CTNND2: variants seen among roughly 807,000 people sequenced by gnomAD.
The protein encoded by CTNND2 is catenin delta-2.
In CTNND2, 22 loss-of-function variants were observed where a neutral mutation model predicts 144.4. That is an observed-to-expected ratio of 0.15 (90% confidence interval 0.11 to 0.22). The LOEUF is 0.22. Among genes scored for constraint, CTNND2 ranks in the 10% least tolerant of loss-of-function variants. The pLI is 1.00. For synonymous variants in CTNND2, 751 were observed against 695.6 expected, an observed-to-expected ratio of 1.08 and a Z score of -1.25; for missense variants, 1,353 against 1,618.8, an observed-to-expected ratio of 0.84 and a Z score of 2.82.
At position 11,065,757 on chromosome 5, in the gene CTNND2, T is replaced by C. The variant is rs182626130; in HGVS notation, c.2788+16939A>G. ...TTCCAATTTGACTCTGGCATAACAT[T>C]ATGTGACAAAGAAGAAAGTCAAAAT... On this transcript the variant is annotated intron_variant, in intron 16 of 21. Transcript: ENST00000304623. Among the ~76,000 whole-genome samples, 80 of 152,342 alleles carry C rather than the reference T, an allele frequency of 5.3e-4. 1 individual carries two copies. The highest frequency in any genetic ancestry group is 1.5e-3 in the African/African-American group (63 of 41,560).
chr5:11,182,619 C>T (rs546607315), intron 11 of CTNND2, among the ~76,000 whole-genome samples: 2 of 152,100 alleles, frequency 1.3e-5, no homozygotes, highest in Non-Finnish European at 2.9e-5. Flanking sequence ...TTACTACTAG[C>T]CATGTCCCCC....
At position 10,981,865 on chromosome 5, in the gene CTNND2, CAA is replaced by C. The variant is rs1281540235; in HGVS notation, c.3344-21_3344-20del. On this transcript the variant is annotated intron_variant, in intron 20 of 21. Transcript: ENST00000304623. ...TTTTGAGCTAAAAGCAAAAGGAAAACAAAAGTTTAGCAAAGAAAACAACATTA... is the reference window on the plus strand; with the variant it reads ...TTTTGAGCTAAAAGCAAAAGGAAAACAAGTTTAGCAAAGAAAACAACATTA... 1 of 1,602,606 alleles carries C rather than the reference CAA, an allele frequency of 6.2e-7. No homozygotes were observed. The highest frequency in any genetic ancestry group is 1.7e-5 in the Admixed American group (1 of 59,504).
chr5:11,584,282 C>T (rs1454560483), intron 2 of CTNND2, among the ~76,000 whole-genome samples: 1 of 152,136 alleles, frequency 6.6e-6, no homozygotes, highest in Non-Finnish European at 1.5e-5. Context: ...AAATGTTACT[C>T]TATACATGCA....
intron 3 of CTNND2, among the ~76,000 whole-genome samples, chr5:11,558,345 T>TAC (rs1465814327): frequency 1.3e-3 from 116 of 90,428 alleles, no homozygotes; most frequent in African/African-American, 4.5e-3. Context: ...GAAACACGTG[T>TAC]GTGTGTGTGT....
chr5:11,869,708 C>T (rs13340382), intron 1 of CTNND2, among the ~76,000 whole-genome samples: 29,686 of 152,146 alleles, frequency 0.2, 3,153 homozygotes, highest in Non-Finnish European at 0.23. Flanking sequence ...TACTTAAAAA[C>T]GGCTAAGGTG....
At chr5:11,412,847 T>C (rs1761651383) in intron 3 of CTNND2, among the ~76,000 whole-genome samples, 1 of 152,180 alleles carries the variant, frequency 6.6e-6, no homozygotes, top group Non-Finnish European at 1.5e-5. Context: ...AGACATCATT[T>C]TGAGAATGAT....
chr5:11,465,973 G>A (rs1010424866), intron 3 of CTNND2, among the ~76,000 whole-genome samples: 10 of 152,032 alleles, frequency 6.6e-5, no homozygotes, highest in South Asian at 4.1e-4. Context: ...AACTAAAAAC[G>A]AACTTCATGA....
intron 10 of CTNND2, among the ~76,000 whole-genome samples, chr5:11,226,287 C>T (rs1006888715): frequency 2.0e-5 from 3 of 152,174 alleles, no homozygotes; most frequent in African/African-American, 7.2e-5. Flanking sequence ...TCAGAGATGG[C>T]TTTCCTGACC....
intron 8 of CTNND2, among the ~76,000 whole-genome samples, chr5:11,348,969 T>C (rs1421546629): frequency 2.0e-5 from 3 of 152,168 alleles, no homozygotes; most frequent in Non-Finnish European, 4.4e-5. Context: ...CTTTAGACCC[T>C]TTCAGGGAAA....
chr5:11,274,592 T>A (rs55989626), intron 9 of CTNND2, among the ~76,000 whole-genome samples: 11,022 of 147,596 alleles, frequency 0.075, 547 homozygotes, highest in South Asian at 0.15. Context: ...TTTTTTTTTT[T>A]TAAAAAGGCA....
intron 3 of CTNND2, among the ~76,000 whole-genome samples, chr5:11,441,895 C>G (rs994434798): frequency 2.0e-5 from 3 of 152,194 alleles, no homozygotes; most frequent in Non-Finnish European, 2.9e-5. Flanking sequence ...AATTAACTTA[C>G]GCTTTTTTCC....
At chr5:11,567,571 T>C (rs760008407) in intron 2 of CTNND2, among the ~76,000 whole-genome samples, 47 of 152,190 alleles carry the variant, frequency 3.1e-4, no homozygotes, top group Non-Finnish European at 6.2e-4. Context: ...GTAGTTTCTA[T>C]TGTTGACTTC....
At chr5:11,842,977 A>G (rs1794552170) in intron 1 of CTNND2, among the ~76,000 whole-genome samples, 3 of 152,314 alleles carry the variant, frequency 2.0e-5, no homozygotes, top group Middle Eastern at 3.4e-3. Flanking sequence ...GCGCTGTTGT[A>G]TAGAAGAAAC....
intron 16 of CTNND2, among the ~76,000 whole-genome samples, chr5:11,042,927 G>A (rs563898618): frequency 1.7e-4 from 26 of 152,218 alleles, no homozygotes. Context: ...ATGTTTAGGA[G>A]GTAATCTTCT....
chr5:11,409,206 T>C (rs1761326470), intron 5 of CTNND2, among the ~76,000 whole-genome samples: 1 of 152,022 alleles, frequency 6.6e-6, no homozygotes, highest in South Asian at 2.1e-4. Flanking sequence ...GTATGTTTCT[T>C]AGTTTTAATA....
intron 3 of CTNND2, among the ~76,000 whole-genome samples, chr5:11,434,193 T>C (rs1763553056): frequency 6.6e-6 from 1 of 152,160 alleles, no homozygotes; most frequent in Non-Finnish European, 1.5e-5. Context: ...ATCCCAAAGC[T>C]TCCCGCTCAG....
At chr5:11,274,529 A>C (rs1347348707) in intron 9 of CTNND2, among the ~76,000 whole-genome samples, 1 of 152,156 alleles carries the variant, frequency 6.6e-6, no homozygotes, top group Non-Finnish European at 1.5e-5. Context: ...GAGAGTAATT[A>C]GAAAATAAAA....
chr5:11,861,650 C>A (rs1456917406), intron 1 of CTNND2, among the ~76,000 whole-genome samples: 3 of 152,206 alleles, frequency 2.0e-5, no homozygotes, highest in Non-Finnish European at 4.4e-5. Context: ...TCAGAAGAAT[C>A]CTTGCAAAAC....
intron 3 of CTNND2, among the ~76,000 whole-genome samples, chr5:11,488,478 T>C (rs1253715306): frequency 6.6e-6 from 1 of 152,194 alleles, no homozygotes; most frequent in Non-Finnish European, 1.5e-5. Flanking sequence ...TATTTTACGT[T>C]TTTGAAATTG....
Sources: gnomAD v4.1 joint callset for allele counts (sites outside exome capture counted in the v4.1 genomes callset) on GRCh38, gnomAD v4.1.1 for gene constraint, MANE v1.5 for transcripts, NCBI Gene and HGNC (gene_info 2026-07-23, HGNC 2026-07-21) for gene names.